PRKN: variants seen among roughly 807,000 people sequenced by gnomAD.
PRKN encodes parkin RBR E3 ubiquitin protein ligase.
PRKN carries 56 observed loss-of-function variants against 59.5 expected under a neutral mutation model. That is an observed-to-expected ratio of 0.94 (90% CI 0.76 to 1.18). The LOEUF is 1.18. Ranked by LOEUF, PRKN falls within the 50% of genes most tolerant of loss-of-function variation. The probability of loss-of-function intolerance (pLI) is 0.00; values close to 1 mark genes in which losing one functional copy is unlikely to be tolerated. For synonymous variants in PRKN, 250 were observed against 222.1 expected (o/e 1.13, Z -1.12); for missense variants, 657 against 596.4 (o/e 1.10, Z -1.06).
At chr6:161,567,446 A>C (rs1780698279) in intron 8 of PRKN, among the ~76,000 whole-genome samples, 1 of 152,096 alleles carries the variant, frequency 6.6e-6, no homozygotes, top group Admixed American at 6.6e-5. Context: ...GTTTTCTCTA[A>C]GTAGAATATG....
chr6:161,638,928 G>C (rs1456357660), intron 7 of PRKN, among the ~76,000 whole-genome samples: 1 of 151,860 alleles, frequency 6.6e-6, no homozygotes. Context: ...TTTTAGTACA[G>C]ACGGGGTTTC....
At chr6:161,948,694 G>C (rs1562411291) in intron 6 of PRKN, among the ~76,000 whole-genome samples, 1 of 152,166 alleles carries the variant, frequency 6.6e-6, no homozygotes, top group East Asian at 1.9e-4. Flanking sequence ...ACATGCGAAG[G>C]CCTTGAGATA....
chr6:162,128,696 GC>G (rs1781223175), intron 4 of PRKN, among the ~76,000 whole-genome samples: 1 of 152,234 alleles, frequency 6.6e-6, no homozygotes, highest in Non-Finnish European at 1.5e-5. Context: ...CAATGTGATA[GC>G]ATTAAGGGTG....
Position 161,446,582 on chromosome 6 carries a change from C to A in PRKN, c.1084-59705G>T, listed in dbSNP as rs974267571. On this transcript the variant is annotated intron_variant, in intron 9 of 11. Coordinates refer to ENST00000366898, the MANE Select transcript of PRKN (RefSeq NM_004562.3). This position sits in a 1 kb window ranked among gnomAD's most constrained non-coding sequence, Gnocchi z 6.2. ...AATTCATACCTGTTCCTGGAGCAATCTATTTTTAACCTTGTTAACCTGAAC... is the reference window on the plus strand; with the variant it reads ...AATTCATACCTGTTCCTGGAGCAATATATTTTTAACCTTGTTAACCTGAAC... Among the ~76,000 whole-genome samples, 1 of 152,180 alleles carries A rather than the reference C, an allele frequency of 6.6e-6. No individual in the cohort carries two copies. The highest frequency in any genetic ancestry group is 1.5e-5 in the Non-Finnish European group (1 of 68,020).
intron 1 of PRKN, among the ~76,000 whole-genome samples, chr6:162,469,490 G>GA (rs1791614645): frequency 1.6e-5 from 2 of 127,188 alleles, no homozygotes; most frequent in Non-Finnish European, 3.3e-5. Flanking sequence ...AGAAACTGTG[G>GA]TATGTGTGTG....
chr6:161,937,366 A>G (rs1779397386), intron 6 of PRKN, among the ~76,000 whole-genome samples: 1 of 152,252 alleles, frequency 6.6e-6, no homozygotes, highest in African/African-American at 2.4e-5. Flanking sequence ...CAACTCATAT[A>G]CAACAGAAAA....
At chr6:162,183,537 G>A (rs1459467030) in intron 4 of PRKN, among the ~76,000 whole-genome samples, 1 of 152,234 alleles carries the variant, frequency 6.6e-6, no homozygotes, top group Admixed American at 6.5e-5. Context: ...GGGAAAGACT[G>A]TAAGCCTCTC....
chr6:162,164,076 G>C lies in PRKN; in HGVS notation c.534+37055C>G, dbSNP rs1221946784. ...GAGGAAGCCTGCCCCTCTAGAGACAGAGGAGGCATTTGCTCAAGTGTGGAA... is the reference window on the plus strand; with the variant it reads ...GAGGAAGCCTGCCCCTCTAGAGACACAGGAGGCATTTGCTCAAGTGTGGAA... On this transcript the variant is annotated intron_variant, in intron 4 of 11. Coordinates refer to ENST00000366898, the MANE Select transcript of PRKN (RefSeq NM_004562.3). Among the ~76,000 whole-genome samples the C allele has an allele frequency of 3.3e-5, 5 of 149,316 alleles. 1 individual carries two copies. The highest frequency in any genetic ancestry group is 1.3e-4 in the African/African-American group (5 of 39,708).
In PRKN at chr6:162,111,937, T is replaced by A. The variant is rs150935437; in HGVS notation, c.535-57763A>T. On this transcript the variant is annotated intron_variant, in intron 4 of 11. Transcript: ENST00000366898. ...TTCCAAAGTCTCTGAAAGCAGAAAC[T>A]GTGTTCCAGATACAGAGAATCAAAA... 1.2e-3 allele frequency among the ~76,000 whole-genome samples: 180 copies of A among 152,310 alleles called. 1 individual carries two copies. Among genetic ancestry groups the A allele is most frequent in the African/African-American group, 4.1e-3 (171 of 41,578 alleles).
In PRKN at chr6:161,371,389, T is replaced by C. The variant is rs2114896533; in HGVS notation, c.1168-11184A>G. On this transcript the variant is annotated intron_variant, in intron 10 of 11. Coordinates refer to ENST00000366898, the MANE Select transcript of PRKN (RefSeq NM_004562.3). The surrounding 1 kb of genome is among the most constrained non-coding windows in gnomAD (Gnocchi z 5.5). ...CATGTTGGCCAGGCTAGTTTTGAAC[T>C]CCTGACCTCAGGTGATCTGCCCGCC... Among the ~76,000 whole-genome samples, 1 of 152,106 alleles carries C rather than the reference T, an allele frequency of 6.6e-6. No homozygotes were observed. Among genetic ancestry groups the C allele is most frequent in the South Asian group, 2.1e-4 (1 of 4,808 alleles).
At chr6:161,658,905 T>A (rs1419691603) in intron 7 of PRKN, among the ~76,000 whole-genome samples, 1 of 152,246 alleles carries the variant, frequency 6.6e-6, no homozygotes, top group African/African-American at 2.4e-5. Flanking sequence ...TTTTATTCAT[T>A]AATTCTGTCT....
chr6:162,164,668 A>T (rs1161377809), intron 4 of PRKN, among the ~76,000 whole-genome samples: 1 of 149,064 alleles, frequency 6.7e-6, no homozygotes, highest in Non-Finnish European at 1.5e-5. Flanking sequence ...AATATTTATT[A>T]TAATGAAGTA....
chr6:161,851,466 T>C (rs1373882487), intron 6 of PRKN, among the ~76,000 whole-genome samples: 2 of 152,042 alleles, frequency 1.3e-5, no homozygotes, highest in African/African-American at 2.4e-5. Context: ...TCTTATATTA[T>C]GCACAAATAA....
chr6:161,577,982 C>T (rs1173781633), intron 7 of PRKN, among the ~76,000 whole-genome samples: 1 of 152,182 alleles, frequency 6.6e-6, no homozygotes, highest in Non-Finnish European at 1.5e-5. Flanking sequence ...TGAGTGTACA[C>T]TTACTATGCG....
intron 7 of PRKN, among the ~76,000 whole-genome samples, chr6:161,783,942 T>C (rs993686097): frequency 3.9e-5 from 6 of 152,230 alleles, no homozygotes; most frequent in East Asian, 3.8e-4. Flanking sequence ...TGGATCTTTT[T>C]ATCATTTGGA....
intron 1 of PRKN, among the ~76,000 whole-genome samples, chr6:162,560,382 C>G (rs1045151106): frequency 6.6e-6 from 1 of 152,132 alleles, no homozygotes; most frequent in Non-Finnish European, 1.5e-5. Context: ...ACTGTCAACA[C>G]ATAACAATTA....
At chr6:162,661,040 T>C (rs956434363) in intron 1 of PRKN, among the ~76,000 whole-genome samples, 5 of 152,090 alleles carry the variant, frequency 3.3e-5, no homozygotes, top group African/African-American at 4.8e-5. Flanking sequence ...GGTGGGCGGA[T>C]CACCTGAGGT....
chr6:162,354,607 A>C (rs981291865), intron 2 of PRKN, among the ~76,000 whole-genome samples: 4 of 152,070 alleles, frequency 2.6e-5, no homozygotes, highest in Non-Finnish European at 5.9e-5. Context: ...GTGTATGGCA[A>C]ATCTCTACTA....
intron 1 of PRKN, among the ~76,000 whole-genome samples, chr6:162,649,875 T>C (rs1373795393): frequency 6.6e-6 from 1 of 152,136 alleles, no homozygotes; most frequent in Non-Finnish European, 1.5e-5. Context: ...TATAAGTCTT[T>C]CTCTACTACT....
Sources: gnomAD v4.1 joint callset for allele counts (sites outside exome capture counted in the v4.1 genomes callset) on GRCh38, gnomAD v4.1.1 for gene constraint, Gnocchi (gnomAD v3.1) non-coding constraint, MANE v1.5 for transcripts, NCBI Gene and HGNC (gene_info 2026-07-23, HGNC 2026-07-21) for gene names.